EBF1: variants seen among roughly 807,000 people sequenced by gnomAD.
EBF1 encodes EBF transcription factor 1.
In EBF1, 10 loss-of-function variants were observed where a neutral mutation model predicts 68.4. The observed-to-expected ratio is 0.15, with a 90% CI of 0.09 to 0.25. The LOEUF is 0.25. Among genes scored for constraint, EBF1 ranks in the 10% least tolerant of loss-of-function variants. The probability of loss-of-function intolerance (pLI) is 1.00; values close to 1 mark genes in which losing one functional copy is unlikely to be tolerated. For synonymous variants in EBF1, 298 were observed against 299.8 expected (o/e 0.99, Z 0.06); for missense variants, 509 against 794.4 (o/e 0.64, Z 4.32).
intron 6 of EBF1, among the ~76,000 whole-genome samples, chr5:159,031,173 CA>C (rs374345831): frequency 1.4e-5 from 2 of 147,120 alleles, no homozygotes; most frequent in African/African-American, 2.6e-5. Flanking sequence ...GACTTCGTCT[CA>C]AAAAAAAAGA....
chr5:159,024,014 A>C (rs1325072598), intron 6 of EBF1, among the ~76,000 whole-genome samples: 1 of 152,180 alleles, frequency 6.6e-6, no homozygotes, highest in Non-Finnish European at 1.5e-5. Flanking sequence ...TATTCAAGCA[A>C]GGAAAGAGAA....
intron 14 of EBF1, among the ~76,000 whole-genome samples, chr5:158,711,090 T>G (rs902218528): frequency 6.6e-6 from 1 of 152,218 alleles, no homozygotes; most frequent in African/African-American, 2.4e-5. Context: ...AAAGAACGTT[T>G]TTTTATGTGT....
rs372495632 is a variant in EBF1 at position 158,712,315 on chromosome 5, C to T, written c.1388G>A (p.Ser463Asn). ...ATNQGFTRNSSSVSPHGYVPS... is the reference protein window; with the variant it reads ...ATNQGFTRNSNSVSPHGYVPS... Reference sequence around the variant, plus strand: ...CACGTACCCGTGTGGTGATACGCTGCTTGAGTTGCGGGTGAAACCTGAGGG... The same window carrying T: ...CACGTACCCGTGTGGTGATACGCTGTTTGAGTTGCGGGTGAAACCTGAGGG... Residue 463 changes from serine (S) to asparagine (N), a missense_variant, in exon 14 of 16, where the codon AGC becomes AAC. Ser to Asn is a conservative substitution (Grantham distance 46, BLOSUM62 1). Transcript: ENST00000313708. 125 of 1,613,784 alleles carry T rather than the reference C, an allele frequency of 7.7e-5. No homozygotes were observed. The highest frequency in any genetic ancestry group is 5.2e-4 in the South Asian group (47 of 91,022).
Position 158,708,014 on chromosome 5 carries a change from G to C in EBF1, c.1709C>G (p.Pro570Arg). The change falls in exon 15 of 16, where the codon CCC (proline) becomes CGC (arginine). Residue 570 changes from proline (P) to arginine (R), a missense_variant. By Grantham distance (103) the Pro-to-Arg change is moderately radical. This residue lies in a region of EBF1 where 205 missense variants were observed against 247.4 expected (regional missense o/e 0.83). Transcript: ENST00000313708. ...PVVRPQTSPP[P>R]TCTSTNGNSL... is the part of the protein sequence containing the mutation. ...GTTCCCGTTGGTGCTGGTGCAGGTGGGAGGTGGGGAGGTCTGGGGTCTGAC... is the reference window on the plus strand; with the variant it reads ...GTTCCCGTTGGTGCTGGTGCAGGTGCGAGGTGGGGAGGTCTGGGGTCTGAC... 6.4e-7 allele frequency: 1 copy of C among 1,550,866 alleles called. No individual in the cohort carries two copies. Among genetic ancestry groups the C allele is most frequent in the South Asian group, 1.2e-5 (1 of 84,032 alleles).
intron 10 of EBF1, among the ~76,000 whole-genome samples, chr5:158,733,269 A>G (rs1046812665): frequency 3.3e-5 from 5 of 152,240 alleles, no homozygotes; most frequent in East Asian, 1.9e-4. Context: ...TCATTTTAAT[A>G]TCTGAAAACA....
At chr5:158,723,860 T>C (rs1189058672) in intron 11 of EBF1, among the ~76,000 whole-genome samples, 1 of 152,196 alleles carries the variant, frequency 6.6e-6, no homozygotes, top group Non-Finnish European at 1.5e-5. Flanking sequence ...GCCTTTTTAC[T>C]GAGGCTACAA....
chr5:159,058,802 A>T (rs919611635), intron 6 of EBF1, among the ~76,000 whole-genome samples: 3 of 152,158 alleles, frequency 2.0e-5, no homozygotes, highest in African/African-American at 7.2e-5. Flanking sequence ...TGAATTCGTA[A>T]TTCATACCCT....
chr5:158,848,719 T>A (rs1443604541), intron 6 of EBF1, among the ~76,000 whole-genome samples: 2 of 152,230 alleles, frequency 1.3e-5, no homozygotes, highest in Non-Finnish European at 2.9e-5. Context: ...GCTGTTAATA[T>A]CTCCTTGTTC....
chr5:158,939,009 C>T (rs1029798911), intron 6 of EBF1, among the ~76,000 whole-genome samples: 2 of 152,138 alleles, frequency 1.3e-5, no homozygotes, highest in African/African-American at 4.8e-5. Flanking sequence ...TCCAACTTTC[C>T]CACCAGTCTC....
chr5:159,040,594 A>G lies in EBF1; in HGVS notation c.554+32802T>C, dbSNP rs554407698. On this transcript the variant is annotated intron_variant, in intron 6 of 15. Transcript: ENST00000313708. ...AAAGCATCCTTGGAGAAATACAGAG[A>G]ACAAGAATGGAGAAAAGAAAACAAA... 5.9e-5 allele frequency among the ~76,000 whole-genome samples: 9 copies of G among 152,354 alleles called. No individual in the cohort carries two copies. In the South Asian group the frequency reaches 1.0e-3, roughly 18 times the overall value.
intron 8 of EBF1, among the ~76,000 whole-genome samples, chr5:158,801,506 C>T (rs1241907009): frequency 2.0e-5 from 3 of 151,758 alleles, no homozygotes; most frequent in African/African-American, 4.8e-5. Context: ...CACGGACAAG[C>T]GATAAAAATC....
At chr5:158,780,886 C>CCATG (rs750514939) in intron 9 of EBF1, among the ~76,000 whole-genome samples, 94 of 152,228 alleles carry the variant, frequency 6.2e-4, no homozygotes, top group Middle Eastern at 3.4e-3. Context: ...TACCAAGGAC[C>CCATG]CATGCCCCAT....
intron 6 of EBF1, among the ~76,000 whole-genome samples, chr5:159,059,157 C>A (rs1775331401): frequency 1.3e-5 from 2 of 152,100 alleles, no homozygotes; most frequent in African/African-American, 4.8e-5. Flanking sequence ...AATTTCCAGG[C>A]AATCTACCCT....
chr5:158,902,613 ATTAT>A (rs1803661730), intron 6 of EBF1, among the ~76,000 whole-genome samples: 1 of 148,390 alleles, frequency 6.7e-6, no homozygotes, highest in Non-Finnish European at 1.5e-5. Flanking sequence ...TATTATTATT[ATTAT>A]TATCATTATT....
chr5:158,722,660 T>C (rs1284365781), intron 11 of EBF1, among the ~76,000 whole-genome samples: 4 of 152,230 alleles, frequency 2.6e-5, no homozygotes, highest in African/African-American at 4.8e-5. Flanking sequence ...GGTTATCATA[T>C]GTATCTCCAG....
rs191699369 is a variant in EBF1, at chr5:158,735,353, G to T, written c.1037-4196C>A. ...TAAAGAACAATCAGGCTGTTGAGGG[G>T]CCACAGCAATTGAATTCAAGCTGTC... On this transcript the variant is annotated intron_variant, in intron 10 of 15. Coordinates refer to ENST00000313708, the MANE Select transcript of EBF1 (RefSeq NM_024007.5). 1.9e-3 allele frequency among the ~76,000 whole-genome samples: 285 copies of T among 152,256 alleles called. 2 individuals are homozygous for T. The highest frequency in any genetic ancestry group is 6.7e-3 in the African/African-American group (277 of 41,538).
chr5:158,708,001 G>A lies in EBF1; in HGVS notation c.1722C>T (p.Ser574=). The change falls in exon 15 of 16, where the codon AGC becomes AGT. Residue 574 remains serine, a synonymous_variant. Coordinates refer to ENST00000313708, the MANE Select transcript of EBF1 (RefSeq NM_024007.5). ...PQTSPPPTCT[S]TNGNSLQAIS... is the part of the protein sequence containing the mutation. The stretch of plus-strand genomic sequence containing the variant: ...TACCTTGCAGGCTGTTCCCGTTGGT[G>A]CTGGTGCAGGTGGGAGGTGGGGAGG... 6.5e-7 allele frequency: 1 copy of A among 1,550,326 alleles called. No homozygotes were observed. The highest frequency in any genetic ancestry group is 8.7e-7 in the Non-Finnish European group (1 of 1,147,022).
intron 6 of EBF1, among the ~76,000 whole-genome samples, chr5:158,896,857 A>AT (rs1562245172): frequency 6.6e-6 from 1 of 152,132 alleles, no homozygotes; most frequent in African/African-American, 2.4e-5. Flanking sequence ...AGAAAAAAAA[A>AT]CTGGTTGCCC....
chr5:159,064,494 G>T (rs554220968), intron 6 of EBF1, among the ~76,000 whole-genome samples: 51 of 152,150 alleles, frequency 3.4e-4, no homozygotes, highest in Non-Finnish European at 6.0e-4. Context: ...GTCAATTTGT[G>T]CAAAGAGAAT....
Sources: allele counts gnomAD v4.1 joint callset (sites outside exome capture counted in the v4.1 genomes callset), GRCh38; gene constraint gnomAD v4.1.1; regional missense constraint gnomAD v4.1.1; transcripts MANE v1.5; gene names NCBI Gene and HGNC (gene_info 2026-07-23, HGNC 2026-07-21).